Variants in SAXO1 observed in about 807,000 individuals in gnomAD.
The protein encoded by SAXO1 is stabilizer of axonemal microtubules 1.
Under a neutral mutation model 17.5 loss-of-function variants are expected in SAXO1, and 21 were observed. The observed-to-expected ratio is 1.20, with a 90% CI of 0.85 to 1.72. The LOEUF (loss-of-function observed/expected upper bound fraction) is 1.72, where lower values mean the gene tolerates loss of function less well. Ranked by LOEUF, SAXO1 falls within the 40% of genes most tolerant of loss-of-function variation. The pLI, the probability that SAXO1 is intolerant of heterozygous loss-of-function variation, is 0.00. For synonymous variants in SAXO1, 274 were observed against 216.5 expected, an observed-to-expected ratio of 1.27 and a Z score of -2.33; for missense variants, 843 against 596.0, an observed-to-expected ratio of 1.41 and a Z score of -4.32.
chr9:19,042,316 A>G (rs1836096846), intron 1 of SAXO1, among the ~76,000 whole-genome samples: 1 of 152,216 alleles, frequency 6.6e-6, no homozygotes, highest in South Asian at 2.1e-4. Flanking sequence ...GGATGTGGGG[A>G]AAAGGGAACC....
At chr9:19,020,110 C>A (rs761290262) in intron 1 of SAXO1, among the ~76,000 whole-genome samples, 6 of 151,994 alleles carry the variant, frequency 3.9e-5, no homozygotes, top group African/African-American at 1.5e-4. Context: ...CACTCTACCT[C>A]CATTGAGCGT....
chr9:19,038,671 G>T (rs1210468264), intron 1 of SAXO1, among the ~76,000 whole-genome samples: 2 of 151,362 alleles, frequency 1.3e-5, no homozygotes, highest in Non-Finnish European at 2.9e-5. Flanking sequence ...ACGAGTTAAT[G>T]GGTGCAGTAC....
In SAXO1 at chr9:18,943,151, T is replaced by A. The variant is rs77873658; in HGVS notation, c.219-1312A>T. Among the ~76,000 whole-genome samples the A allele has an allele frequency of 9.6e-3, 1,465 of 152,274 alleles. 14 individuals are homozygous for A. Among genetic ancestry groups the A allele is most frequent in the Middle Eastern group, 0.031 (9 of 294 alleles). On this transcript the variant is annotated intron_variant, in intron 2 of 3. Coordinates refer to ENST00000380534, the MANE Select transcript of SAXO1 (RefSeq NM_153707.4). The stretch of plus-strand genomic sequence containing the variant: ...CGAACCGGGTCCTGAAAATGCTTAG[T>A]GGGATGGGAGAAGGAAGTTAGGAAG...
At chr9:19,028,163 G>A in intron 1 of SAXO1, 1 of 1,414,682 alleles carries the variant, frequency 7.1e-7, no homozygotes, top group Non-Finnish European at 9.9e-7. Flanking sequence ...CGGACTCGCG[G>A]CTGAAGTGCG....
Position 18,928,480 on chromosome 9 carries a change from G to A in SAXO1, c.997C>T (p.Arg333Cys), listed in dbSNP as rs550894327. The A allele has an allele frequency of 3.3e-5, 53 of 1,613,260 alleles. No homozygotes were observed. Among genetic ancestry groups the A allele is most frequent in the South Asian group, 2.3e-4 (21 of 90,910 alleles). Residue 333 changes from arginine (R) to cysteine (C), a missense_variant, in exon 4 of 4, where the codon CGC becomes TGC. Arg to Cys is a radical substitution (Grantham distance 180). Coordinates refer to ENST00000380534, the MANE Select transcript of SAXO1 (RefSeq NM_153707.4). ...TTGGTGGTGGAAGAGCCTTCAAAGC[G>A]ACCGCACTTCTTAATCTGAAGTGCA... The part of the protein sequence containing the change: ...RPALQIKKCG[R>C]FEGSSTTKDD...
intron 2 of SAXO1, among the ~76,000 whole-genome samples, chr9:18,943,996 G>A (rs58632797): frequency 2.0e-5 from 3 of 152,308 alleles, no homozygotes; most frequent in East Asian, 1.9e-4. Context: ...ACTAAAGCAC[G>A]CTTATTGCGC....
At chr9:19,022,825 G>C (rs1835305165) in intron 1 of SAXO1, among the ~76,000 whole-genome samples, 1 of 152,164 alleles carries the variant, frequency 6.6e-6, no homozygotes, top group Non-Finnish European at 1.5e-5. Context: ...GAAACAACCA[G>C]AGAAACTTCA....
intron 3 of SAXO1, among the ~76,000 whole-genome samples, chr9:18,933,837 G>C (rs1215177231): frequency 1.3e-5 from 2 of 152,190 alleles, no homozygotes; most frequent in African/African-American, 4.8e-5. Flanking sequence ...ACGAGGTCAG[G>C]AGATCAAGAC....
chr9:18,931,694 G>A (rs1831057424), intron 3 of SAXO1, among the ~76,000 whole-genome samples: 1 of 152,174 alleles, frequency 6.6e-6, no homozygotes, highest in South Asian at 2.1e-4. Flanking sequence ...TATCATCTGT[G>A]TTTTTAAATT....
intron 1 of SAXO1, among the ~76,000 whole-genome samples, chr9:18,973,996 C>T (rs1440410083): frequency 6.6e-6 from 1 of 152,210 alleles, no homozygotes; most frequent in Non-Finnish European, 1.5e-5. Flanking sequence ...CATGTCCCAT[C>T]TTCCCTTCTT....
intron 2 of SAXO1, among the ~76,000 whole-genome samples, chr9:18,942,048 A>G (rs1309120871): frequency 2.6e-5 from 3 of 116,502 alleles, no homozygotes; most frequent in Non-Finnish European, 3.3e-5. Flanking sequence ...ACCTGTATTC[A>G]TCTTTGACCT....
At chr9:18,931,723 G>T (rs1252537273) in intron 3 of SAXO1, among the ~76,000 whole-genome samples, 1 of 152,050 alleles carries the variant, frequency 6.6e-6, no homozygotes, top group Admixed American at 6.5e-5. Context: ...CATTCCAATG[G>T]GTATTTAGTA....
intron 1 of SAXO1, among the ~76,000 whole-genome samples, chr9:18,970,103 G>C (rs1203472449): frequency 1.3e-5 from 2 of 152,222 alleles, no homozygotes; most frequent in Admixed American, 6.5e-5. Context: ...GACCCAGTGA[G>C]CATGGCTGAT....
At chr9:18,993,328 T>C (rs1247701362) in intron 1 of SAXO1, among the ~76,000 whole-genome samples, 1 of 150,818 alleles carries the variant, frequency 6.6e-6, no homozygotes, top group Non-Finnish European at 1.5e-5. Flanking sequence ...TGTCCATGTG[T>C]TCTCATTAAG....
At position 18,942,207 on chromosome 9, in the gene SAXO1, C is replaced by T. The variant is rs542948534; in HGVS notation, c.219-368G>A. On this transcript the variant is annotated intron_variant, in intron 2 of 3. Coordinates refer to ENST00000380534, the MANE Select transcript of SAXO1 (RefSeq NM_153707.4). ...CATTCCTACCACTTCTATTCAATCACCATAATGTGGCCAGAATAAACTCTC... is the reference window on the plus strand; with the variant it reads ...CATTCCTACCACTTCTATTCAATCATCATAATGTGGCCAGAATAAACTCTC... Among the ~76,000 whole-genome samples the T allele has an allele frequency of 7.7e-4, 118 of 152,306 alleles. 1 individual carries two copies. The highest frequency in any genetic ancestry group is 2.7e-3 in the African/African-American group (114 of 41,552).
chr9:18,979,921 T>A (rs1833302730), intron 1 of SAXO1, among the ~76,000 whole-genome samples: 1 of 152,060 alleles, frequency 6.6e-6, no homozygotes, highest in African/African-American at 2.4e-5. Flanking sequence ...TACACTAAAG[T>A]GTGAAAAAGA....
chr9:18,943,019 T>C (rs73648815), intron 2 of SAXO1, among the ~76,000 whole-genome samples: 15,479 of 152,268 alleles, frequency 0.1, 1,260 homozygotes, highest in African/African-American at 0.23. Context: ...ACCCACTTCC[T>C]GGCCAAAATC....
At chr9:18,948,211 T>C (rs1831874651) in intron 2 of SAXO1, among the ~76,000 whole-genome samples, 1 of 152,162 alleles carries the variant, frequency 6.6e-6, no homozygotes, top group African/African-American at 2.4e-5. Context: ...AGTGGCATAA[T>C]TTTGTTCTCG....
At chr9:19,043,883 G>A (rs573732463) in intron 1 of SAXO1, among the ~76,000 whole-genome samples, 13 of 152,138 alleles carry the variant, frequency 8.5e-5, no homozygotes, top group Non-Finnish European at 1.6e-4. Flanking sequence ...AGTGACTCAC[G>A]CCTATAATCC....
Sources: gnomAD v4.1 joint callset for allele counts (sites outside exome capture counted in the v4.1 genomes callset) on GRCh38, gnomAD v4.1.1 for gene constraint, MANE v1.5 for transcripts, NCBI Gene and HGNC (gene_info 2026-07-23, HGNC 2026-07-21) for gene names.